Variants in DIDO1 observed in about 807,000 individuals in gnomAD.
The protein encoded by DIDO1 is death-inducer obliterator 1.
Under a neutral mutation model 99.4 loss-of-function variants are expected in DIDO1, and 16 were observed. That is an observed-to-expected ratio of 0.16 (90% CI 0.11 to 0.24). The LOEUF (loss-of-function observed/expected upper bound fraction) is 0.24, where lower values mean the gene tolerates loss of function less well. Ranked by LOEUF, DIDO1 falls within the 10% of genes least tolerant of loss-of-function variation. DIDO1 has a pLI of 1.00. For missense variants in DIDO1, 2,996 were observed against 3,014.0 expected (o/e 0.99, Z 0.14); for synonymous variants, 1,366 against 1,239.1 (o/e 1.10, Z -2.15).
chr20:62,922,734 C>A (rs1166928965), intron 1 of DIDO1, among the ~76,000 whole-genome samples: 1 of 152,130 alleles, frequency 6.6e-6, no homozygotes, highest in Non-Finnish European at 1.5e-5. Context: ...CCTGTGCTGG[C>A]GAGGGCTTGG....
intron 6 of DIDO1, chr20:62,905,549 G>A: frequency 6.4e-7 from 1 of 1,551,086 alleles, no homozygotes; most frequent in Non-Finnish European, 8.7e-7. Flanking sequence ...GTGCCGGGCA[G>A]TGTGGCTATG....
rs1461415172 is a variant in DIDO1, at chr20:62,893,889, T to C, written c.2878A>G (p.Thr960Ala). 1.2e-6 allele frequency: 2 copies of C among 1,611,246 alleles called. No individual in the cohort carries two copies. Among genetic ancestry groups the C allele is most frequent in the East Asian group, 2.2e-5 (1 of 44,804 alleles). Residue 960 changes from threonine (T) to alanine (A), a missense_variant, in exon 12 of 16, where the codon ACC (threonine) becomes GCC (alanine). Physicochemically the swap from Thr to Ala is moderately conservative, Grantham distance 58. Around this residue, in one of 5 missense-constraint regions of DIDO1, gnomAD observed 898 missense variants for 972.7 expected, o/e 0.92. Coordinates refer to ENST00000395343, the MANE Select transcript of DIDO1 (RefSeq NM_001193369.2). ...GGGTCCCGGCCGGACACTGTGACGG[T>C]GGTGACCACCCCGCTCCCACAGGAG... ...PASCGSGVVT[T>A]VTVSGRDPRT...
At chr20:62,917,756 T>C (rs1022436401) in intron 1 of DIDO1, among the ~76,000 whole-genome samples, 3 of 152,336 alleles carry the variant, frequency 2.0e-5, no homozygotes, top group South Asian at 2.1e-4. Flanking sequence ...TTTGGGAAAA[T>C]TGGCATATTC....
intron 1 of DIDO1, among the ~76,000 whole-genome samples, chr20:62,932,873 G>A (rs890922984): frequency 1.3e-5 from 2 of 152,218 alleles, no homozygotes; most frequent in Non-Finnish European, 2.9e-5. Flanking sequence ...AATCACCAGT[G>A]AAGATTCTTT....
chr20:62,933,999 T>TTG (rs2065356759), intron 1 of DIDO1, among the ~76,000 whole-genome samples: 1 of 152,238 alleles, frequency 6.6e-6, no homozygotes. Flanking sequence ...GAACACCTGG[T>TTG]TGCCCCTCAG....
At position 62,880,821 on chromosome 20, in the gene DIDO1, C is replaced by T. The variant is rs368512465; in HGVS notation, c.5135G>A (p.Ser1712Asn). The T allele has an allele frequency of 6.2e-6, 10 of 1,612,748 alleles. No homozygotes were observed. The highest frequency in any genetic ancestry group is 8.5e-6 in the Non-Finnish European group (10 of 1,179,988). ...DPRNLHSAGR[S>N]SSPAGETEGD... is the part of the protein sequence containing the mutation. ...CTCTGTTTCACCTGCAGGGCTGCTG[C>T]TCCTTCCAGCAGAATGAAGATTTCT... Residue 1712 changes from serine (S) to asparagine (N), a missense_variant, in exon 16 of 16, where the codon AGC (serine) becomes AAC (asparagine). Physicochemically the swap from Ser to Asn is conservative, Grantham distance 46. This residue lies in a region of DIDO1 where 1,562 missense variants were observed against 1,412.6 expected (regional missense o/e 1.11). Transcript: ENST00000395343.
chr20:62,886,830 G>C (rs2064304659), intron 15 of DIDO1, among the ~76,000 whole-genome samples: 1 of 152,186 alleles, frequency 6.6e-6, no homozygotes, highest in African/African-American at 2.4e-5. Context: ...AATCAACAAG[G>C]GGTGACGTAT....
upstream of DIDO1, chr20:62,929,229 C>T (rs1285088244): frequency 6.6e-6 from 1 of 152,188 alleles, no homozygotes; most frequent in African/African-American, 2.4e-5. Flanking sequence ...ACGTTTTATT[C>T]TTCTCACCTG....
chr20:62,906,286 C>T (rs993284664), intron 5 of DIDO1, among the ~76,000 whole-genome samples, 186 bp from the exon 6 acceptor site: 1 of 152,158 alleles, frequency 6.6e-6, no homozygotes, highest in African/African-American at 2.4e-5. Context: ...GCGGTGGGCC[C>T]GCAGTTTCCC....
In DIDO1 at chr20:62,880,935, A is replaced by G. The variant is rs778816686; in HGVS notation, c.5021T>C (p.Leu1674Pro). 9.3e-6 allele frequency: 15 copies of G among 1,608,938 alleles called. No homozygotes were observed. The highest frequency in any genetic ancestry group is 2.2e-5 in the East Asian group (1 of 44,874). ...PCGALQPGFPLQHDGERDPFT... is the reference protein window; with the variant it reads ...PCGALQPGFPPQHDGERDPFT... ...AGGGTCCCTCTCACCGTCGTGCTGC[A>G]GCGGGAAGCCGGGCTGCAGGGCGCC... is the stretch of plus-strand genomic sequence containing the variant. The change falls in exon 16 of 16, where the codon CTG becomes CCG. Residue 1674 changes from leucine (L) to proline (P), a missense_variant. Leu to Pro is a moderately conservative substitution (Grantham distance 98, BLOSUM62 -3). This residue lies in a region of DIDO1 where 1,562 missense variants were observed against 1,412.6 expected (regional missense o/e 1.11). Transcript: ENST00000395343.
Position 62,894,881 on chromosome 20 carries a change from T to G in DIDO1, c.2365A>C (p.Ser789Arg), listed in dbSNP as rs750518795. ...TCCTGCCTGGGGGCCGTCTTCTTGC[T>G]TTCATTGTGCAGTTTAGTTCTGGAC... Reference protein sequence around the residue: ...MESRTKLHNESKKTAPRQEAI... With the variant: ...MESRTKLHNERKKTAPRQEAI... The change falls in exon 10 of 16, where the codon AGC (serine) becomes CGC (arginine). Residue 789 changes from serine to arginine, a missense_variant. Physicochemically the swap from Ser to Arg is moderately radical, Grantham distance 110 (BLOSUM62 -1). Around this residue, in one of 5 missense-constraint regions of DIDO1, gnomAD observed 898 missense variants for 972.7 expected, o/e 0.92. Transcript: ENST00000395343. The surrounding 1 kb of genome is among the most constrained non-coding windows in gnomAD (Gnocchi z 4.4). 3 of 1,614,078 alleles carry G rather than the reference T, an allele frequency of 1.9e-6. No individual in the cohort carries two copies. In the African/African-American group the frequency reaches 4.0e-5, roughly 22 times the overall value.
At chr20:62,892,523 C>T (rs551873187) in intron 13 of DIDO1, among the ~76,000 whole-genome samples, 4 of 152,306 alleles carry the variant, frequency 2.6e-5, no homozygotes, top group East Asian at 1.9e-4. Context: ...GGTGGCTGTG[C>T]GCACAGCCAT....
At chr20:62,889,492 TAAAGAA>T (rs2064355949) in intron 15 of DIDO1, 1 of 985,358 alleles carries the variant, frequency 1.0e-6, no homozygotes, top group African/African-American at 1.7e-5. Flanking sequence ...CATGTTTCTG[TAAAGAA>T]AAAGTGCTCT....
At position 62,923,012 on chromosome 20, in the gene DIDO1, G is replaced by A. The variant is rs114334016; in HGVS notation, c.-200+3427C>T. On this transcript the variant is annotated intron_variant, in intron 1 of 15. Coordinates refer to ENST00000395343, the MANE Select transcript of DIDO1 (RefSeq NM_001193369.2). ...TATAGTGAAATTCTTTTTGTTGGGG[G>A]TGGGGGGTGGACAGAGTCTTGCTCT... Among the ~76,000 whole-genome samples the A allele has an allele frequency of 9.2e-3, 1,396 of 152,202 alleles. 17 individuals are homozygous for A. Among genetic ancestry groups the A allele is most frequent in the African/African-American group, 0.03 (1,238 of 41,524 alleles).
intron 14 of DIDO1, among the ~76,000 whole-genome samples, 190 bp from the exon 15 acceptor site, chr20:62,891,345 G>A (rs1026043455): frequency 1.3e-5 from 2 of 152,174 alleles, no homozygotes; most frequent in Non-Finnish European, 2.9e-5. Flanking sequence ...GAGCCGAGCC[G>A]GCTCTTCCTA....
In DIDO1 at chr20:62,894,584, C is replaced by A; in HGVS notation, c.2437-36G>T. 4 of 1,595,014 alleles carry A rather than the reference C, an allele frequency of 2.5e-6. No individual in the cohort carries two copies. The highest frequency in any genetic ancestry group is 3.4e-6 in the Non-Finnish European group (4 of 1,174,564). ...AAAAGAAAAAAAAGTGAGGTCGTTT[C>A]TTCTCCAAACTCAGCTCCAAATTAA... On this transcript the variant is annotated intron_variant, in intron 10 of 15. Coordinates refer to ENST00000395343, the MANE Select transcript of DIDO1 (RefSeq NM_001193369.2). The surrounding 1 kb of genome is among the most constrained non-coding windows in gnomAD (Gnocchi z 4.4).
chr20:62,937,457 C>T (rs2065402697), intron 1 of DIDO1, among the ~76,000 whole-genome samples: 1 of 152,226 alleles, frequency 6.6e-6, no homozygotes, highest in African/African-American at 2.4e-5. Flanking sequence ...CTCCTTTGTC[C>T]CGCGCGCCCT....
At chr20:62,933,094 C>G (rs939819476) in intron 1 of DIDO1, among the ~76,000 whole-genome samples, 1 of 152,224 alleles carries the variant, frequency 6.6e-6, no homozygotes, top group East Asian at 1.9e-4. Context: ...TGTCTGTAAT[C>G]CCAGTTACTC....
rs148970851 is a variant in DIDO1, at chr20:62,896,701, G to A, written c.1884C>T (p.Phe628=). 1 of 1,613,912 alleles carries A rather than the reference G, an allele frequency of 6.2e-7. No individual in the cohort carries two copies. Among genetic ancestry groups the A allele is most frequent in the East Asian group, 2.2e-5 (1 of 44,884 alleles). The stretch of plus-strand genomic sequence containing the variant: ...CTCCCACCAAAGCAGCGGAGCCAGG[G>A]AACTTCTTGGAGGCAGCCGTTGCCG... ...PAAATAASKK[F]PGSAALVGAV... Residue 628 remains phenylalanine (F), a synonymous_variant, in exon 7 of 16, where the codon TTC becomes TTT. Transcript: ENST00000395343. The surrounding 1 kb of genome is among the most constrained non-coding windows in gnomAD (Gnocchi z 4.4).
Sources: allele counts gnomAD v4.1 joint callset (sites outside exome capture counted in the v4.1 genomes callset), GRCh38; gene constraint gnomAD v4.1.1; regional missense constraint gnomAD v4.1.1; non-coding constraint Gnocchi (gnomAD v3.1); transcripts MANE v1.5; gene names NCBI Gene and HGNC (gene_info 2026-07-23, HGNC 2026-07-21).